Variants in UTS2B observed in about 807,000 individuals in gnomAD.
UTS2B encodes the protein urotensin-2B.
In UTS2B, 21 loss-of-function variants were observed where a neutral mutation model predicts 19.2. The observed-to-expected ratio is 1.09, with a 90% CI of 0.78 to 1.58. The LOEUF (loss-of-function observed/expected upper bound fraction) is 1.58. Ranked by LOEUF, UTS2B falls within the 40% of genes most tolerant of loss-of-function variation. The pLI is 0.00. For synonymous variants in UTS2B, 57 were observed against 50.2 expected, an observed-to-expected ratio of 1.14 and a Z score of -0.58; for missense variants, 138 against 130.3, an observed-to-expected ratio of 1.06 and a Z score of -0.29.
Position 191,299,336 on chromosome 3 carries a change from G to A in UTS2B, c.-125+5156C>T, listed in dbSNP as rs569747260. ...CATCATATGCCCAGAGGTCTAGGAC[G>A]GAAGGATGGTTTTGTGGGCCAGGGC... On this transcript the variant is annotated intron_variant, in intron 4 of 8. Coordinates refer to ENST00000340524, the MANE Select transcript of UTS2B (RefSeq NM_198152.5). 7.9e-5 allele frequency among the ~76,000 whole-genome samples: 12 copies of A among 152,358 alleles called. No homozygotes were observed. In the East Asian group the frequency reaches 1.7e-3, roughly 22 times the overall value.
the UTS2B span, among the ~76,000 whole-genome samples, chr3:191,344,271 G>A: frequency 6.6e-6 from 1 of 152,212 alleles, no homozygotes; most frequent in South Asian, 2.1e-4. Context: ...GTCACGTTGT[G>A]ATTATCGTCT....
At chr3:191,292,817 G>A (rs910692265) in intron 4 of UTS2B, among the ~76,000 whole-genome samples, 46 of 152,064 alleles carry the variant, frequency 3.0e-4, no homozygotes, top group African/African-American at 1.0e-3. Flanking sequence ...ACCAGATTGA[G>A]GAAGTTCCCT....
intron 4 of UTS2B, among the ~76,000 whole-genome samples, chr3:191,301,523 G>C (rs903015432): frequency 4.2e-5 from 5 of 119,814 alleles, no homozygotes; most frequent in African/African-American, 1.6e-4. Context: ...GTCTCGCTCT[G>C]TCGCCCAGGC....
chr3:191,278,635 A>G (rs1300505172), intron 5 of UTS2B, among the ~76,000 whole-genome samples: 1 of 152,032 alleles, frequency 6.6e-6, no homozygotes, highest in African/African-American at 2.4e-5. Flanking sequence ...ATTTCCTTCA[A>G]AGCATCCAAG....
At chr3:191,304,722 A>G (rs1717091416) in intron 3 of UTS2B, among the ~76,000 whole-genome samples, 174 bp from the exon 4 acceptor site, 1 of 152,208 alleles carries the variant, frequency 6.6e-6, no homozygotes, top group South Asian at 2.1e-4. Context: ...GGTTTGTTAC[A>G]TAGGTAAAAG....
At chr3:191,330,126 C>A (rs1432136965) in intron 1 of UTS2B, among the ~76,000 whole-genome samples, 2 of 152,076 alleles carry the variant, frequency 1.3e-5, no homozygotes, top group Non-Finnish European at 2.9e-5. Flanking sequence ...CATTCAGTTC[C>A]GTGTGGAGCC....
intron 4 of UTS2B, among the ~76,000 whole-genome samples, chr3:191,300,708 C>A (rs539064226): frequency 7.2e-5 from 11 of 152,324 alleles, no homozygotes; most frequent in Admixed American, 5.9e-4. Flanking sequence ...GTGATTGGAT[C>A]ATGGAGGTAG....
At chr3:191,279,551 T>A (rs527660773) in intron 5 of UTS2B, among the ~76,000 whole-genome samples, 54 of 152,156 alleles carry the variant, frequency 3.5e-4, no homozygotes, top group African/African-American at 1.3e-3. Context: ...AAAATGTATA[T>A]GACTAAGAGT....
At chr3:191,318,732 A>G (rs947211495) in intron 2 of UTS2B, among the ~76,000 whole-genome samples, 14 of 152,302 alleles carry the variant, frequency 9.2e-5, no homozygotes, top group Admixed American at 9.2e-4. Context: ...TGGCCTCCCA[A>G]AGTGTTGGGA....
the UTS2B span, among the ~76,000 whole-genome samples, chr3:191,342,597 A>C: frequency 6.6e-6 from 1 of 152,236 alleles, no homozygotes. Flanking sequence ...TTTAATGGGC[A>C]TGGCTGGGTT....
chr3:191,342,036 C>T, the UTS2B span, among the ~76,000 whole-genome samples: 1 of 152,220 alleles, frequency 6.6e-6, no homozygotes, highest in East Asian at 1.9e-4. Context: ...TACCCATGAT[C>T]TCAAGGTATC....
intron 4 of UTS2B, among the ~76,000 whole-genome samples, chr3:191,286,941 A>G (rs1716561564): frequency 6.6e-6 from 1 of 152,060 alleles, no homozygotes; most frequent in Non-Finnish European, 1.5e-5. Flanking sequence ...AATTGATACC[A>G]CAGAAATACA....
rs111400485 is a variant in UTS2B at position 191,278,646 on chromosome 3, G to A, written c.104-476C>T. 5.9e-3 allele frequency among the ~76,000 whole-genome samples: 897 copies of A among 151,996 alleles called. 8 individuals carry two copies. The highest frequency in any genetic ancestry group is 0.021 in the African/African-American group (852 of 41,506). On this transcript the variant is annotated intron_variant, in intron 5 of 8. Transcript: ENST00000340524. Reference sequence around the variant, plus strand: ...GGGAATTTCCTTCAAAGCATCCAAGGAAGATTGTGGCAAAGCTAGGATGGT... The same window carrying A: ...GGGAATTTCCTTCAAAGCATCCAAGAAAGATTGTGGCAAAGCTAGGATGGT...
intron 1 of UTS2B, chr3:191,329,358 T>C (rs1717855690): frequency 6.4e-6 from 2 of 311,192 alleles, no homozygotes; most frequent in Non-Finnish European, 1.2e-5. Flanking sequence ...CGCCTTTCTG[T>C]CTCCTCTCTC....
chr3:191,345,917 A>G, the UTS2B span, among the ~76,000 whole-genome samples: 1 of 152,226 alleles, frequency 6.6e-6, no homozygotes, highest in Non-Finnish European at 1.5e-5. Flanking sequence ...TGATGATGCT[A>G]TTATATAATA....
intron 1 of UTS2B, chr3:191,328,914 G>C (rs1312929883): frequency 6.6e-6 from 1 of 152,158 alleles, no homozygotes; most frequent in Non-Finnish European, 1.5e-5. Flanking sequence ...AATTTTATCA[G>C]CTGCTCTTCA....
At chr3:191,329,450 C>A (rs1210406867) in intron 1 of UTS2B, 1 of 462,858 alleles carries the variant, frequency 2.2e-6, no homozygotes, top group East Asian at 3.9e-5. Flanking sequence ...GAGCAGGTGG[C>A]CGCGGCGGGG....
intron 3 of UTS2B, among the ~76,000 whole-genome samples, chr3:191,313,094 A>C (rs1717348876): frequency 6.7e-6 from 1 of 149,030 alleles, no homozygotes. Context: ...TCCCTGGTTC[A>C]AGCAATTCTC....
At chr3:191,280,031 G>T (rs1716341982) in intron 5 of UTS2B, among the ~76,000 whole-genome samples, 1 of 152,060 alleles carries the variant, frequency 6.6e-6, no homozygotes, top group African/African-American at 2.4e-5. Flanking sequence ...TGGCAAAGCT[G>T]CTCCAATACG....
Sources: gnomAD v4.1 joint callset for allele counts (sites outside exome capture counted in the v4.1 genomes callset) on GRCh38, gnomAD v4.1.1 for gene constraint, MANE v1.5 for transcripts, NCBI Gene and HGNC (gene_info 2026-07-23, HGNC 2026-07-21) for gene names.